The following ARPC2 variants were observed in gnomAD, a reference collection of about 807,000 sequenced individuals.
The protein encoded by ARPC2 is actin related protein 2/3 complex subunit 2.
Under a neutral mutation model 38.6 loss-of-function variants are expected in ARPC2, and 4 were observed. The ratio of observed to expected loss-of-function variants is 0.10; its 90% CI spans 0.05 to 0.24. ARPC2 has a LOEUF of 0.24. ARPC2 is among the 10% of genes least tolerant of loss of function. The pLI is 1.00. For synonymous variants in ARPC2, 125 were observed against 140.8 expected, an observed-to-expected ratio of 0.89 and a Z score of 0.79; for missense variants, 229 against 387.3, an observed-to-expected ratio of 0.59 and a Z score of 3.43.
At chr2:218,251,781 T>G (rs973060307) in intron 10 of ARPC2, among the ~76,000 whole-genome samples, 1 of 152,090 alleles carries the variant, frequency 6.6e-6, no homozygotes, top group Non-Finnish European at 1.5e-5. Context: ...AGGCAAAGTT[T>G]TAGTGGGTGT....
At chr2:218,239,593 A>ATTTTT in intron 7 of ARPC2, 109 bp downstream of exon 7, 1 of 624,984 alleles carries the variant, frequency 1.6e-6, no homozygotes, top group Non-Finnish European at 2.6e-6. Context: ...TGATGTTAGA[A>ATTTTT]TTTTTTTTTT....
rs140683425 is a variant in ARPC2, at chr2:218,249,847, G to A, written c.804G>A (p.Ala268=). ...CCTATATTCACACACGTATGCGGGC[G>A]AAAACGTCTGACTTCCTCAAGGTGC... ...SKAYIHTRMR[A]KTSDFLKVLN... Residue 268 remains alanine, a synonymous_variant, in exon 10 of 11, where the codon GCG becomes GCA. Coordinates refer to ENST00000315717, the MANE Select transcript of ARPC2 (RefSeq NM_152862.3). The A allele has an allele frequency of 3.4e-4, 554 of 1,613,834 alleles. 1 individual carries two copies. In the Middle Eastern group the frequency reaches 6.6e-3, roughly 19 times the overall value.
At position 218,234,341 on chromosome 2, in the gene ARPC2, T is replaced by G. The variant is rs1271300901; in HGVS notation, c.223-11T>G. ...TAACGTATTTGGTTTTGTTTTGTTT[T>G]TATTTTCTAGTTATTAAAGAGGGTG... On this transcript the variant is annotated splice_polypyrimidine_tract_variant and intron_variant, in intron 4 of 10. Coordinates refer to ENST00000315717, the MANE Select transcript of ARPC2 (RefSeq NM_152862.3). 1 of 1,594,260 alleles carries G rather than the reference T, an allele frequency of 6.3e-7. No individual in the cohort carries two copies. The highest frequency in any genetic ancestry group is 1.1e-5 in the South Asian group (1 of 89,364).
chr2:218,229,749 CTTAG>C (rs563145639), intron 4 of ARPC2, among the ~76,000 whole-genome samples: 42 of 152,224 alleles, frequency 2.8e-4, no homozygotes, highest in African/African-American at 8.9e-4. Flanking sequence ...GGTTGCTTCC[CTTAG>C]TTATTCAAAT....
intron 4 of ARPC2, chr2:218,234,117 C>G (rs1042032556): frequency 3.0e-6 from 1 of 330,216 alleles, no homozygotes; most frequent in African/African-American, 2.2e-5. Context: ...TGTGGTGAGC[C>G]GAGATCGCGC....
At chr2:218,228,428 C>T (rs971339989) in intron 3 of ARPC2, among the ~76,000 whole-genome samples, 4 of 151,952 alleles carry the variant, frequency 2.6e-5, no homozygotes, top group African/African-American at 9.7e-5. Context: ...GTTGAAGCCT[C>T]ATGATGGAGA....
intron 8 of ARPC2, 114 bp from the exon 9 acceptor site, chr2:218,249,250 C>A (rs1690121858): frequency 1.4e-6 from 1 of 695,944 alleles, no homozygotes; most frequent in Non-Finnish European, 2.5e-6. Flanking sequence ...AATACTGACA[C>A]AAGTGGAGTG....
intron 10 of ARPC2, among the ~76,000 whole-genome samples, chr2:218,250,882 G>A (rs1690172510): frequency 1.3e-5 from 2 of 151,854 alleles, no homozygotes; most frequent in Non-Finnish European, 1.5e-5. Context: ...TGGGGGTGTT[G>A]GGGGAGACAG....
intron 2 of ARPC2, among the ~76,000 whole-genome samples, chr2:218,217,749 G>T (rs1689287690): frequency 6.6e-6 from 1 of 152,216 alleles, no homozygotes; most frequent in Non-Finnish European, 1.5e-5. Flanking sequence ...CTCAGAGGAG[G>T]GATGCGGAAG....
At position 218,249,352 on chromosome 2, in the gene ARPC2, T is replaced by G. The variant is rs201925568; in HGVS notation, c.677-12T>G. The G allele has an allele frequency of 1.9e-6, 3 of 1,600,658 alleles. No individual in the cohort carries two copies. The East Asian group carries it at 6.7e-5, about 36-fold the overall frequency. ...CGTGTCCTGACGCCTTGTTTGTGTCTTCCGCCTTCAGTGCTGTTCCCTCGT... is the reference window on the plus strand; with the variant it reads ...CGTGTCCTGACGCCTTGTTTGTGTCGTCCGCCTTCAGTGCTGTTCCCTCGT... On this transcript the variant is annotated splice_polypyrimidine_tract_variant and intron_variant, in intron 8 of 10. Coordinates refer to ENST00000315717, the MANE Select transcript of ARPC2 (RefSeq NM_152862.3).
In ARPC2 at chr2:218,244,619, G is replaced by T. The variant is rs148357359; in HGVS notation, c.550-801G>T. 6.6e-5 allele frequency among the ~76,000 whole-genome samples: 10 copies of T among 152,368 alleles called. No individual in the cohort carries two copies. The East Asian group carries it at 1.9e-3, about 29-fold the overall frequency. On this transcript the variant is annotated intron_variant, in intron 7 of 10. Coordinates refer to ENST00000315717, the MANE Select transcript of ARPC2 (RefSeq NM_152862.3). ...TTGTAGAAAAGACATGGCAGCTCCA[G>T]CAAGAGAGCAGTACCTGCCTGGGTT...
At chr2:218,237,676 C>T (rs1187401876) in intron 5 of ARPC2, among the ~76,000 whole-genome samples, 2 of 151,922 alleles carry the variant, frequency 1.3e-5, no homozygotes, top group African/African-American at 4.8e-5. Context: ...AAGCAATTCT[C>T]CTGCCTCAGC....
At chr2:218,219,611 A>T (rs550797684) in intron 2 of ARPC2, among the ~76,000 whole-genome samples, 2 of 152,136 alleles carry the variant, frequency 1.3e-5, no homozygotes, top group Admixed American at 6.5e-5. Context: ...CGGCCTCCCA[A>T]AGTGCTGGGA....
intron 2 of ARPC2, 131 bp downstream of exon 2, chr2:218,217,675 G>C: frequency 1.0e-6 from 1 of 1,002,640 alleles, no homozygotes; most frequent in Non-Finnish European, 1.5e-6. Context: ...GGCTGCCCCA[G>C]CGGGGTAGAC....
At chr2:218,244,351 A>G (rs898497967) in intron 7 of ARPC2, among the ~76,000 whole-genome samples, 3 of 152,236 alleles carry the variant, frequency 2.0e-5, no homozygotes, top group Non-Finnish European at 2.9e-5. Context: ...CTTGCTAATC[A>G]GTGTTTATTC....
At chr2:218,231,514 C>T (rs1281075642) in intron 4 of ARPC2, among the ~76,000 whole-genome samples, 3 of 152,130 alleles carry the variant, frequency 2.0e-5, no homozygotes, top group Non-Finnish European at 4.4e-5. Flanking sequence ...GCTCAGAGGT[C>T]GCATGCTGTT....
chr2:218,222,546 G>T (rs554232710), intron 2 of ARPC2, among the ~76,000 whole-genome samples: 1 of 152,190 alleles, frequency 6.6e-6, no homozygotes, highest in African/African-American at 2.4e-5. Context: ...CAGCCGGCTT[G>T]TTCTAGGATT....
intron 7 of ARPC2, 83 bp downstream of exon 7, chr2:218,239,567 G>T: frequency 9.0e-7 from 1 of 1,109,610 alleles, no homozygotes; most frequent in Non-Finnish European, 1.3e-6. Context: ...GTAGGAAAGA[G>T]ATCTAGCAAC....
chr2:218,225,548 T>G (rs1429457776), intron 2 of ARPC2, among the ~76,000 whole-genome samples: 1 of 152,246 alleles, frequency 6.6e-6, no homozygotes, highest in African/African-American at 2.4e-5. Context: ...CTGAACGTTT[T>G]ACTCCTAATA....
Sources: gnomAD v4.1 joint callset for allele counts (sites outside exome capture counted in the v4.1 genomes callset) on GRCh38, gnomAD v4.1.1 for gene constraint, MANE v1.5 for transcripts, NCBI Gene and HGNC (gene_info 2026-07-23, HGNC 2026-07-21) for gene names.